The following ACOT7 variants were observed in gnomAD, a reference collection of about 807,000 sequenced individuals.
ACOT7 encodes acyl-CoA thioesterase 7, also known as cytosolic acyl coenzyme A thioester hydrolase.
ACOT7 carries 12 observed loss-of-function variants against 40.2 expected under a neutral mutation model. That is an observed-to-expected ratio of 0.30 (90% CI 0.19 to 0.48). ACOT7 has a LOEUF of 0.48. Among genes scored for constraint, ACOT7 ranks in the 20% least tolerant of loss-of-function variants. The probability of loss-of-function intolerance (pLI) is 0.99; values close to 1 mark genes in which losing one functional copy is unlikely to be tolerated. For missense variants in ACOT7, 395 were observed against 530.8 expected, an observed-to-expected ratio of 0.74 and a Z score of 2.51; for synonymous variants, 228 against 219.5, an observed-to-expected ratio of 1.04 and a Z score of -0.34.
Position 6,320,146 on chromosome 1 carries a change from G to A in ACOT7, c.626-1568C>T, listed in dbSNP as rs984817741. Among the ~76,000 whole-genome samples the A allele has an allele frequency of 2.0e-5, 3 of 152,354 alleles. No homozygotes were observed. The East Asian group carries it at 5.8e-4, about 29-fold the overall frequency. On this transcript the variant is annotated intron_variant, in intron 5 of 8. Transcript: ENST00000361521. ...TTCCTCAGCTGGAACCAGAGATGGT[G>A]AAAGCAAAACTATCGGGTTATGAAG...
intron 4 of ACOT7, among the ~76,000 whole-genome samples, chr1:6,327,895 T>A (rs1640849800): frequency 1.3e-5 from 2 of 152,138 alleles, no homozygotes; most frequent in South Asian, 2.1e-4. Context: ...TGCCTCAGCC[T>A]CCCCGGTACC....
chr1:6,264,610 T>C lies in ACOT7; in HGVS notation c.1100A>G (p.Glu367Gly), dbSNP rs1638759840. 1.9e-6 allele frequency: 3 copies of C among 1,612,356 alleles called. No individual in the cohort carries two copies. The highest frequency in any genetic ancestry group is 2.5e-6 in the Non-Finnish European group (3 of 1,179,688). ...GGAGGAGGGAGTCTAGGGCTGAGGC[T>C]CCGCGTGGCCCTGTCGCTTCGCCTT... ...QMKAKRQGHA[E>G]PQP Residue 367 changes from glutamate to glycine, a missense_variant, in exon 9 of 9, where the codon GAG (glutamate) becomes GGG (glycine). Glu to Gly is a moderately conservative substitution (Grantham distance 98). Around this residue, in one of 2 missense-constraint regions of ACOT7, gnomAD observed 309 missense variants for 470.3 expected, o/e 0.66. Transcript: ENST00000361521.
chr1:6,325,084 G>A (rs1490704150), intron 5 of ACOT7, among the ~76,000 whole-genome samples: 1 of 152,214 alleles, frequency 6.6e-6, no homozygotes, highest in Non-Finnish European at 1.5e-5. Flanking sequence ...TTGATAAACT[G>A]GCTGTTTAAA....
chr1:6,305,058 T>G (rs1429815502), intron 6 of ACOT7, among the ~76,000 whole-genome samples: 4 of 144,054 alleles, frequency 2.8e-5, no homozygotes, highest in Admixed American at 1.4e-4. Flanking sequence ...ATGGGGCGGC[T>G]GGCCGGGCGG....
chr1:6,292,265 C>T (rs772672681), intron 7 of ACOT7, among the ~76,000 whole-genome samples: 14 of 152,376 alleles, frequency 9.2e-5, no homozygotes, highest in Admixed American at 5.9e-4. Flanking sequence ...CAGGAGGCCC[C>T]GGCCACAGCC....
chr1:6,266,561 T>C lies in ACOT7; in HGVS notation c.1015-1866A>G, dbSNP rs1638858886. ...CGCTGTGGCCCGCGGACCACATCTG[T>C]GTAGCAGGGCCCTGCCCCCTTTCCA... On this transcript the variant is annotated intron_variant, in intron 8 of 8. Transcript: ENST00000361521. Among the ~76,000 whole-genome samples the C allele has an allele frequency of 3.3e-5, 5 of 152,252 alleles. No homozygotes were observed. The South Asian group carries it at 8.3e-4, about 25-fold the overall frequency.
chr1:6,296,322 C>T (rs1411371825), intron 6 of ACOT7, among the ~76,000 whole-genome samples: 1 of 152,230 alleles, frequency 6.6e-6, no homozygotes, highest in African/African-American at 2.4e-5. Flanking sequence ...TCCGCTTTTA[C>T]TCAGTCTCTC....
At chr1:6,349,704 T>C (rs1391987284) in intron 2 of ACOT7, 45 bp downstream of exon 2, 1 of 1,569,010 alleles carries the variant, frequency 6.4e-7, no homozygotes, top group South Asian at 1.1e-5. Context: ...GAACTCACAC[T>C]GGTGCGGCCT....
chr1:6,374,099 C>A (rs2148475398), intron 1 of ACOT7, among the ~76,000 whole-genome samples: 1 of 152,328 alleles, frequency 6.6e-6, no homozygotes, highest in African/African-American at 2.4e-5. Flanking sequence ...TTACTCTGGG[C>A]AAGTTTCCTG....
At chr1:6,376,573 A>G (rs1359761112) in intron 1 of ACOT7, among the ~76,000 whole-genome samples, 1 of 151,902 alleles carries the variant, frequency 6.6e-6, no homozygotes, top group East Asian at 1.9e-4. Context: ...CAAAAAATAC[A>G]AAAATTAGCA....
At position 6,371,089 on chromosome 1, in the gene ACOT7, G is replaced by A. The variant is rs556791713; in HGVS notation, c.144-21223C>T. Among the ~76,000 whole-genome samples, 5 of 152,100 alleles carry A rather than the reference G, an allele frequency of 3.3e-5. No individual in the cohort carries two copies. In the South Asian group the frequency reaches 6.2e-4, roughly 19 times the overall value. On this transcript the variant is annotated intron_variant, in intron 1 of 8. Coordinates refer to ENST00000361521, the MANE Select transcript of ACOT7 (RefSeq NM_007274.4). ...CTCCCAAAGTGCTGGGATTACAGGCGTGAGCCACCGCACCCGGCCTGATCA... is the reference window on the plus strand; with the variant it reads ...CTCCCAAAGTGCTGGGATTACAGGCATGAGCCACCGCACCCGGCCTGATCA...
intron 2 of ACOT7, among the ~76,000 whole-genome samples, chr1:6,345,384 C>T (rs1312512632): frequency 6.6e-6 from 1 of 152,248 alleles, no homozygotes; most frequent in Non-Finnish European, 1.5e-5. Flanking sequence ...AGCTCTGGGC[C>T]CTGGGTTCAA....
intron 6 of ACOT7, among the ~76,000 whole-genome samples, chr1:6,308,820 C>CGACTGGGCGGAGGGAAAAGT (rs59107503): frequency 0.064 from 9,720 of 152,100 alleles, 416 homozygotes; most frequent in African/African-American, 0.12. Flanking sequence ...GAGGGAAAAG[C>CGACTGGGCGGAGGGAAAAGT]GACTGGGCGG....
chr1:6,273,279 G>A (rs557019791), intron 8 of ACOT7, among the ~76,000 whole-genome samples: 2 of 152,336 alleles, frequency 1.3e-5, no homozygotes, highest in South Asian at 4.1e-4. Context: ...GGCTGGAGGG[G>A]AGGGCTACAT....
At chr1:6,290,560 A>G (rs560631467) in intron 7 of ACOT7, among the ~76,000 whole-genome samples, 1 of 152,368 alleles carries the variant, frequency 6.6e-6, no homozygotes, top group Non-Finnish European at 1.5e-5. Flanking sequence ...TATGATTTTA[A>G]AAGTAATCCT....
intron 8 of ACOT7, among the ~76,000 whole-genome samples, chr1:6,279,196 C>T (rs1356562448): frequency 1.3e-5 from 2 of 152,216 alleles, no homozygotes; most frequent in African/African-American, 4.8e-5. Context: ...AGGTCAAGGA[C>T]AGAGGAGGCT....
At chr1:6,293,324 C>T (rs961260987) in intron 7 of ACOT7, among the ~76,000 whole-genome samples, 1 of 152,174 alleles carries the variant, frequency 6.6e-6, no homozygotes, top group African/African-American at 2.4e-5. Context: ...TCGTGATTTA[C>T]CCAGGCAGGA....
chr1:6,372,910 T>C (rs1169881294), intron 1 of ACOT7, among the ~76,000 whole-genome samples: 5 of 151,962 alleles, frequency 3.3e-5, no homozygotes, highest in African/African-American at 1.2e-4. Context: ...ACACTAGAGG[T>C]AGGGTATTAA....
At chr1:6,334,727 G>A (rs1238006483) in intron 3 of ACOT7, among the ~76,000 whole-genome samples, 2 of 152,236 alleles carry the variant, frequency 1.3e-5, no homozygotes, top group African/African-American at 4.8e-5. Flanking sequence ...CTCGTGGCCT[G>A]CTGGGGCTAA....
Sources: allele counts gnomAD v4.1 joint callset (sites outside exome capture counted in the v4.1 genomes callset), GRCh38; gene constraint gnomAD v4.1.1; regional missense constraint gnomAD v4.1.1; transcripts MANE v1.5; gene names NCBI Gene and HGNC (gene_info 2026-07-23, HGNC 2026-07-21).